MAPK4: variants seen among roughly 807,000 people sequenced by gnomAD.
The protein encoded by MAPK4 is Erk3-related.
Under a neutral mutation model 47.7 loss-of-function variants are expected in MAPK4, and 22 were observed. The observed-to-expected ratio is 0.46, with a 90% CI of 0.33 to 0.66. MAPK4 has a LOEUF of 0.66. Ranked by LOEUF, MAPK4 falls within the 30% of genes least tolerant of loss-of-function variation. The pLI is 0.02. For missense variants in MAPK4, 736 were observed against 831.7 expected (o/e 0.88, Z 1.42); for synonymous variants, 390 against 365.7 (o/e 1.07, Z -0.76).
At chr18:50,575,892 A>G (rs2149360454) in intron 1 of MAPK4, among the ~76,000 whole-genome samples, 1 of 152,316 alleles carries the variant, frequency 6.6e-6, no homozygotes, top group East Asian at 1.9e-4. Flanking sequence ...CATATGAAAA[A>G]AATGCCAACA....
At chr18:50,692,282 C>T (rs542100565) in intron 2 of MAPK4, among the ~76,000 whole-genome samples, 12 of 152,268 alleles carry the variant, frequency 7.9e-5, no homozygotes, top group African/African-American at 2.9e-4. Context: ...GGCCTCTCTC[C>T]GCGCTCTGGA....
chr18:50,702,814 A>G (rs979514296), intron 2 of MAPK4, among the ~76,000 whole-genome samples: 2 of 152,164 alleles, frequency 1.3e-5, no homozygotes, highest in African/African-American at 2.4e-5. Context: ...CCCTGAAGAC[A>G]GTCCCCTGAT....
chr18:50,711,449 T>C (rs1910356240), intron 2 of MAPK4, among the ~76,000 whole-genome samples: 2 of 152,226 alleles, frequency 1.3e-5, no homozygotes. Context: ...GTGCTCTGAG[T>C]GGTGGTCACA....
chr18:50,628,171 G>T (rs1367367357), intron 1 of MAPK4, among the ~76,000 whole-genome samples: 1 of 152,170 alleles, frequency 6.6e-6, no homozygotes, highest in African/African-American at 2.4e-5. Flanking sequence ...GGCAAGAAAA[G>T]GAGAAGCAAA....
At chr18:50,562,382 T>G (rs1342257518) in intron 1 of MAPK4, among the ~76,000 whole-genome samples, 4 of 145,724 alleles carry the variant, frequency 2.7e-5, no homozygotes, top group Non-Finnish European at 6.0e-5. Context: ...CTAAACAAGA[T>G]TTTCTCAAAT....
chr18:50,630,678 GTGCTT>G, intron 1 of MAPK4, among the ~76,000 whole-genome samples: 1 of 152,172 alleles, frequency 6.6e-6, no homozygotes, highest in Non-Finnish European at 1.5e-5. Context: ...CACCTGGCAG[GTGCTT>G]AGTGGTCTGC....
intron 1 of MAPK4, among the ~76,000 whole-genome samples, chr18:50,573,102 T>A (rs552058107): frequency 6.6e-6 from 1 of 152,278 alleles, no homozygotes; most frequent in South Asian, 2.1e-4. Context: ...AAGAAGTGAT[T>A]GAGGATTGAC....
chr18:50,717,076 A>G (rs1910678482), intron 3 of MAPK4, among the ~76,000 whole-genome samples: 1 of 152,102 alleles, frequency 6.6e-6, no homozygotes, highest in Non-Finnish European at 1.5e-5. Flanking sequence ...TTGGTCCCAC[A>G]TCATTCTGGC....
intron 4 of MAPK4, among the ~76,000 whole-genome samples, chr18:50,722,523 G>A (rs1482680188): frequency 6.6e-6 from 1 of 152,060 alleles, no homozygotes; most frequent in Non-Finnish European, 1.5e-5. Flanking sequence ...CACTCCTCAG[G>A]CTTACTCCCT....
intron 1 of MAPK4, among the ~76,000 whole-genome samples, chr18:50,583,943 C>A (rs555566483): frequency 4.6e-5 from 7 of 152,190 alleles, no homozygotes; most frequent in Non-Finnish European, 1.0e-4. Context: ...TGACCCTAAG[C>A]TTTCCTCTTC....
chr18:50,672,167 A>C (rs2144283583), intron 2 of MAPK4, among the ~76,000 whole-genome samples: 1 of 152,282 alleles, frequency 6.6e-6, no homozygotes, highest in African/African-American at 2.4e-5. Context: ...GGAGTGGAGA[A>C]GGATTTTCCC....
At chr18:50,727,421 G>C (rs1040959134) in intron 5 of MAPK4, among the ~76,000 whole-genome samples, 2 of 152,166 alleles carry the variant, frequency 1.3e-5, no homozygotes, top group Non-Finnish European at 2.9e-5. Context: ...GGAGGGCCAG[G>C]GCGACGCTGC....
chr18:50,610,995 A>G (rs560122383), intron 1 of MAPK4, among the ~76,000 whole-genome samples: 6 of 152,178 alleles, frequency 3.9e-5, no homozygotes, highest in Non-Finnish European at 8.8e-5. Context: ...CTATTTAATG[A>G]CCACCGAGGG....
In MAPK4 at chr18:50,613,779, A is replaced by C. The variant is rs940652717; in HGVS notation, c.-870-49310A>C. On this transcript the variant is annotated intron_variant, in intron 1 of 5. Coordinates refer to ENST00000400384, the MANE Select transcript of MAPK4 (RefSeq NM_002747.4). ...ATGAATTATTTTTATGATTTGAAGT[A>C]GCATTTTACTTTTATACTATTGTGG... Among the ~76,000 whole-genome samples, 10 of 152,230 alleles carry C rather than the reference A, an allele frequency of 6.6e-5. No individual in the cohort carries two copies. In the East Asian group the frequency reaches 1.9e-3, roughly 29 times the overall value.
At chr18:50,693,093 T>TA (rs1363346622) in intron 2 of MAPK4, among the ~76,000 whole-genome samples, 5 of 151,818 alleles carry the variant, frequency 3.3e-5, no homozygotes, top group Admixed American at 2.0e-4. Context: ...CTGTCTCTAC[T>TA]AAAGAAAATA....
At chr18:50,574,426 C>T (rs1008000523) in intron 1 of MAPK4, among the ~76,000 whole-genome samples, 5 of 152,144 alleles carry the variant, frequency 3.3e-5, no homozygotes, top group African/African-American at 4.8e-5. Context: ...AGAAAATCAT[C>T]GAGAGTATTT....
Position 50,729,398 on chromosome 18 carries a change from C to A in MAPK4, c.1308C>A (p.Ser436=). The A allele has an allele frequency of 6.4e-7, 1 of 1,562,702 alleles. No individual in the cohort carries two copies. The highest frequency in any genetic ancestry group is 2.3e-5 in the East Asian group (1 of 42,592). ...RSCDYKVGSP[S]YLDKLLWRDN... Reference sequence around the variant, plus strand: ...GCGACTACAAGGTGGGGTCGCCGTCCTACCTGGACAAGCTGCTGTGGCGCG... The same window carrying A: ...GCGACTACAAGGTGGGGTCGCCGTCATACCTGGACAAGCTGCTGTGGCGCG... The change falls in exon 6 of 6, where the codon TCC becomes TCA. Residue 436 remains serine (S), a synonymous_variant. Transcript: ENST00000400384.
chr18:50,637,972 G>T (rs553518529), intron 1 of MAPK4, among the ~76,000 whole-genome samples: 33 of 152,150 alleles, frequency 2.2e-4, no homozygotes, highest in Non-Finnish European at 4.3e-4. Flanking sequence ...AGGGGTTAGG[G>T]CTTCAGCGTA....
At chr18:50,659,854 T>A (rs2144237319) in intron 1 of MAPK4, among the ~76,000 whole-genome samples, 1 of 152,286 alleles carries the variant, frequency 6.6e-6, no homozygotes, top group African/African-American at 2.4e-5. Context: ...GGGTTTGAAA[T>A]CACACCTGTG....
Sources: gnomAD v4.1 joint callset for allele counts (sites outside exome capture counted in the v4.1 genomes callset) on GRCh38, gnomAD v4.1.1 for gene constraint, MANE v1.5 for transcripts, NCBI Gene and HGNC (gene_info 2026-07-23, HGNC 2026-07-21) for gene names.